The following GIPC2 variants were observed in gnomAD, a reference collection of about 807,000 sequenced individuals.
The protein encoded by GIPC2 is PDZ domain-containing protein GIPC2.
GIPC2 carries 30 observed loss-of-function variants against 30.6 expected under a neutral mutation model. That is an observed-to-expected ratio of 0.98 (90% CI 0.73 to 1.33). The LOEUF (loss-of-function observed/expected upper bound fraction) is 1.33. Ranked by LOEUF, GIPC2 falls within the 40% of genes most tolerant of loss-of-function variation. The pLI, the probability that GIPC2 is intolerant of heterozygous loss-of-function variation, is 0.00. For missense variants in GIPC2, 414 were observed against 390.3 expected (o/e 1.06, Z -0.51); for synonymous variants, 167 against 150.0 (o/e 1.11, Z -0.83).
intron 2 of GIPC2, 96 bp from the exon 3 acceptor site, chr1:78,094,856 C>A: frequency 1.2e-6 from 1 of 802,686 alleles, no homozygotes. Context: ...AAGTACTAAC[C>A]AGGCCCAAAC....
chr1:78,061,813 T>C (rs664818), intron 1 of GIPC2, among the ~76,000 whole-genome samples: 139,035 of 152,098 alleles, frequency 0.91, 63,710 homozygotes, highest in African/African-American at 0.95. Flanking sequence ...GATAGGGTTT[T>C]GCCATGTTGG....
At chr1:78,110,193 A>AG (rs1662441248) in intron 3 of GIPC2, among the ~76,000 whole-genome samples, 1 of 151,998 alleles carries the variant, frequency 6.6e-6, no homozygotes, top group Non-Finnish European at 1.5e-5. Flanking sequence ...AAAAAAAAAA[A>AG]GAAACAGCCT....
chr1:78,094,945 C>T lies in GIPC2; in HGVS notation c.427-7C>T. 6.5e-7 allele frequency: 1 copy of T among 1,549,674 alleles called. No individual in the cohort carries two copies. Among genetic ancestry groups the T allele is most frequent in the Non-Finnish European group, 8.9e-7 (1 of 1,122,674 alleles). On this transcript the variant is annotated splice_region_variant and splice_polypyrimidine_tract_variant and intron_variant, in intron 2 of 5. Coordinates refer to ENST00000370759, the MANE Select transcript of GIPC2 (RefSeq NM_017655.6). The stretch of plus-strand genomic sequence containing the variant: ...TTTATATTATGTTATCATCAATTTC[C>T]TTTCAGAGAATTAAAGATGGTGGTG...
intron 3 of GIPC2, among the ~76,000 whole-genome samples, chr1:78,106,808 G>T (rs1276341020): frequency 6.6e-6 from 1 of 152,066 alleles, no homozygotes; most frequent in African/African-American, 2.4e-5. Flanking sequence ...AGCCTCCCAA[G>T]TAGCTGGGAT....
chr1:78,049,103 A>T (rs1454181506), intron 1 of GIPC2, among the ~76,000 whole-genome samples: 1 of 152,244 alleles, frequency 6.6e-6, no homozygotes, highest in Non-Finnish European at 1.5e-5. Flanking sequence ...TTCCATTTTC[A>T]TAGCCCATTT....
At chr1:78,084,259 A>T (rs1347110556) in intron 2 of GIPC2, among the ~76,000 whole-genome samples, 1 of 152,226 alleles carries the variant, frequency 6.6e-6, no homozygotes, top group African/African-American at 2.4e-5. Flanking sequence ...CACACCTGTT[A>T]TCCCAGCACT....
At chr1:78,113,851 T>A (rs1662518476) in intron 3 of GIPC2, among the ~76,000 whole-genome samples, 1 of 150,164 alleles carries the variant, frequency 6.7e-6, no homozygotes, top group South Asian at 2.1e-4. Context: ...TAGAGTCATC[T>A]TGCCCATACC....
Position 78,080,710 on chromosome 1 carries a change from C to T in GIPC2, c.276C>T (p.Asp92=), listed in dbSNP as rs1661809395. 1.2e-6 allele frequency: 2 copies of T among 1,607,146 alleles called. No homozygotes were observed. The highest frequency in any genetic ancestry group is 1.7e-6 in the Non-Finnish European group (2 of 1,175,268). Residue 92 remains aspartate (D), a synonymous_variant, in exon 2 of 6, where the codon GAC becomes GAT. Transcript: ENST00000370759. ...LYCTLNTPKI[D]MERLLGGQLG... is the part of the protein sequence containing the mutation. ...GCACTTTAAACACACCTAAAATTGA[C>T]ATGGAAAGACTCTTAGGAGGACAAC...
rs759433899 is a variant in GIPC2, at chr1:78,046,306, C to T, written c.212C>T (p.Ala71Val). 3 of 1,611,356 alleles carry T rather than the reference C, an allele frequency of 1.9e-6. No homozygotes were observed. The highest frequency in any genetic ancestry group is 1.7e-4 in the Middle Eastern group (1 of 5,996). Residue 71 changes from alanine to valine, a missense_variant, in exon 1 of 6, where the codon GCG (alanine) becomes GTG (valine). Physicochemically the swap from Ala to Val is moderately conservative, Grantham distance 64. Coordinates refer to ENST00000370759, the MANE Select transcript of GIPC2 (RefSeq NM_017655.6). ...SSIQELYAQI[A>V]GAFEISPSEI... ...ATCCAGGAGCTCTACGCCCAGATCG[C>T]GGGCGCGTTTGAAATCTCGCCGTCG...
chr1:78,087,031 C>T (rs1283911710), intron 2 of GIPC2, among the ~76,000 whole-genome samples: 1 of 152,112 alleles, frequency 6.6e-6, no homozygotes, highest in East Asian at 1.9e-4. Flanking sequence ...TTTATAGTAA[C>T]ACTGGTCTAT....
chr1:78,126,407 A>C (rs1256315930), intron 5 of GIPC2, among the ~76,000 whole-genome samples: 1 of 152,202 alleles, frequency 6.6e-6, no homozygotes, highest in Non-Finnish European at 1.5e-5. Context: ...ATGACTGAGA[A>C]GGGCAGTTGA....
intron 1 of GIPC2, among the ~76,000 whole-genome samples, chr1:78,063,473 C>G (rs1374162545): frequency 6.7e-6 from 1 of 149,484 alleles, no homozygotes; most frequent in Non-Finnish European, 1.5e-5. Context: ...GCCTGGGCCA[C>G]AAGAGCTAAA....
intron 3 of GIPC2, among the ~76,000 whole-genome samples, chr1:78,104,418 T>C (rs1662305956): frequency 6.6e-6 from 1 of 152,108 alleles, no homozygotes; most frequent in Non-Finnish European, 1.5e-5. Flanking sequence ...GGGAATCATT[T>C]AGATGATATT....
chr1:78,056,106 T>C (rs748517127), intron 1 of GIPC2, among the ~76,000 whole-genome samples: 14 of 152,278 alleles, frequency 9.2e-5, no homozygotes, highest in Admixed American at 1.3e-4. Context: ...TCAGACTTTA[T>C]GGTCATCATT....
chr1:78,123,328 T>C (rs1662720007), intron 4 of GIPC2, among the ~76,000 whole-genome samples: 3 of 143,748 alleles, frequency 2.1e-5, no homozygotes, highest in Non-Finnish European at 4.5e-5. Flanking sequence ...GAGTTCAAAA[T>C]GGGGAAGAAG....
intron 3 of GIPC2, among the ~76,000 whole-genome samples, chr1:78,114,663 G>A (rs1662535913): frequency 6.6e-6 from 1 of 152,114 alleles, no homozygotes; most frequent in African/African-American, 2.4e-5. Context: ...GGGATGTATA[G>A]GAGGAGCTCA....
intron 3 of GIPC2, among the ~76,000 whole-genome samples, chr1:78,099,289 T>C (rs913861869): frequency 1.3e-5 from 2 of 151,960 alleles, no homozygotes; most frequent in African/African-American, 4.8e-5. Context: ...ATCTAGGAAC[T>C]CATGTCTAGT....
chr1:78,053,766 G>A (rs1028722369), intron 1 of GIPC2, among the ~76,000 whole-genome samples: 100 of 71,114 alleles, frequency 1.4e-3, no homozygotes, highest in East Asian at 2.5e-3. Flanking sequence ...AAAAAAAAAA[G>A]CCAAAAAAAA....
intron 1 of GIPC2, among the ~76,000 whole-genome samples, chr1:78,070,431 T>C (rs575633594): frequency 1.1e-4 from 17 of 152,336 alleles, no homozygotes; most frequent in South Asian, 4.1e-4. Context: ...TGATTTATGA[T>C]GTCTTTCAAA....
Sources: allele counts gnomAD v4.1 joint callset (sites outside exome capture counted in the v4.1 genomes callset), GRCh38; gene constraint gnomAD v4.1.1; transcripts MANE v1.5; gene names NCBI Gene and HGNC (gene_info 2026-07-23, HGNC 2026-07-21).